Variants in CRB1 observed in about 807,000 individuals in gnomAD.
CRB1 encodes protein crumbs homolog 1.
CRB1 carries 83 observed loss-of-function variants against 120.0 expected under a neutral mutation model. The ratio of observed to expected loss-of-function variants is 0.69; its 90% confidence interval spans 0.58 to 0.83. The LOEUF (loss-of-function observed/expected upper bound fraction) is 0.83. Among genes scored for constraint, CRB1 ranks in the 40% least tolerant of loss-of-function variants. The pLI is 0.00. For missense variants in CRB1, 1,699 were observed against 1,687.6 expected (o/e 1.01, Z -0.12); for synonymous variants, 625 against 612.5 (o/e 1.02, Z -0.30).
intron 5 of CRB1, 89 bp from the exon 6 acceptor site, chr1:197,420,911 C>G (rs2125468476): frequency 3.3e-6 from 3 of 910,414 alleles, no homozygotes; most frequent in South Asian, 2.6e-5. Context: ...TATTCATGCA[C>G]TTCTGCAAGA....
At chr1:197,242,760 C>A in the CRB1 span, among the ~76,000 whole-genome samples, 1 of 152,144 alleles carries the variant, frequency 6.6e-6, no homozygotes, top group Non-Finnish European at 1.5e-5. Flanking sequence ...ACCAGCTCCT[C>A]TTTGTACCTC....
At chr1:197,446,250 G>T (rs1665696404) in intron 11 of CRB1, among the ~76,000 whole-genome samples, 1 of 152,108 alleles carries the variant, frequency 6.6e-6, no homozygotes, top group Admixed American at 6.5e-5. Flanking sequence ...GTAACTGAGT[G>T]CCAGCTGTAA....
intron 3 of CRB1, among the ~76,000 whole-genome samples, chr1:197,346,026 T>C (rs1408476249): frequency 6.6e-6 from 1 of 152,056 alleles, no homozygotes; most frequent in African/African-American, 2.4e-5. Flanking sequence ...GGCTTACCCT[T>C]CCATACTTCA....
chr1:197,421,557 G>A lies in CRB1; in HGVS notation c.1729G>A (p.Ala577Thr), dbSNP rs377023757. The change falls in exon 6 of 12, where the codon GCT becomes ACT. Residue 577 changes from alanine (A) to threonine (T), a missense_variant. Physicochemically the swap from Ala to Thr is moderately conservative, Grantham distance 58. Coordinates refer to ENST00000367400, the MANE Select transcript of CRB1 (RefSeq NM_201253.3). ...WHFVEVIFAE[A>T]VTLTLIDDSC... ...TTTCGTGGAGGTAATATTTGCAGAGGCTGTGACCCTTACCTTAATCGACGA... is the reference window on the plus strand; with the variant it reads ...TTTCGTGGAGGTAATATTTGCAGAGACTGTGACCCTTACCTTAATCGACGA... 5 of 1,614,088 alleles carry A rather than the reference G, an allele frequency of 3.1e-6. No homozygotes were observed. The highest frequency in any genetic ancestry group is 4.2e-6 in the Non-Finnish European group (5 of 1,180,058).
chr1:197,206,834 A>G, the CRB1 span, among the ~76,000 whole-genome samples: 4 of 152,028 alleles, frequency 2.6e-5, no homozygotes, highest in African/African-American at 9.7e-5. Context: ...TCAGTGGAGT[A>G]TTGAAGTCCC....
intron 1 of CRB1, among the ~76,000 whole-genome samples, chr1:197,270,214 A>C (rs1221003504): frequency 2.0e-5 from 3 of 152,194 alleles, no homozygotes; most frequent in African/African-American, 7.2e-5. Flanking sequence ...AATTGCTAAC[A>C]TTGTGTTAAG....
At chr1:197,310,588 A>G (rs189226031) in intron 1 of CRB1, among the ~76,000 whole-genome samples, 3 of 152,288 alleles carry the variant, frequency 2.0e-5, no homozygotes, top group African/African-American at 4.8e-5. Flanking sequence ...GAAGCTTTAG[A>G]GTTCTATCAA....
chr1:197,225,200 T>C, the CRB1 span, among the ~76,000 whole-genome samples: 581 of 151,636 alleles, frequency 3.8e-3, 7 homozygotes, highest in South Asian at 0.016. Flanking sequence ...AGGGCCCAGA[T>C]TTAATCACTA....
intron 3 of CRB1, among the ~76,000 whole-genome samples, chr1:197,346,225 C>G (rs1215028467): frequency 6.6e-6 from 1 of 151,940 alleles, no homozygotes; most frequent in Non-Finnish European, 1.5e-5. Flanking sequence ...TCCAATATAA[C>G]CTGACTTTAT....
At chr1:197,394,349 A>G (rs971339498) in intron 5 of CRB1, among the ~76,000 whole-genome samples, 1 of 152,114 alleles carries the variant, frequency 6.6e-6, no homozygotes. Flanking sequence ...CATGCAAAAT[A>G]TGTGTTAATC....
intron 4 of CRB1, among the ~76,000 whole-genome samples, chr1:197,352,349 G>A (rs140337319): frequency 6.6e-6 from 1 of 152,122 alleles, no homozygotes; most frequent in African/African-American, 2.4e-5. Context: ...TTCACGATTG[G>A]AATGAGATAA....
upstream of CRB1, among the ~76,000 whole-genome samples, chr1:197,266,002 G>A (rs1011020284): frequency 3.9e-5 from 6 of 152,074 alleles, 1 homozygote; most frequent in African/African-American, 1.4e-4. Context: ...TGATTTTGTG[G>A]ATTTGCTGAG....
chr1:197,477,828 A>T lies in CRB1; in HGVS notation c.4170A>T (p.Arg1390=). The T allele has an allele frequency of 1.2e-6, 2 of 1,613,892 alleles. No homozygotes were observed. The highest frequency in any genetic ancestry group is 1.7e-6 in the Non-Finnish European group (2 of 1,179,878). Residue 1390 remains arginine, a synonymous_variant, in exon 12 of 12, where the codon CGA becomes CGT. Transcript: ENST00000367400. ...SPSRQEKEGS[R]VEMWNLMPPP... ...GCCGTCAGGAGAAGGAGGGCTCCCG[A>T]GTGGAAATGTGGAACTTGATGCCAC...
Position 197,268,491 on chromosome 1 carries a change from T to G in CRB1, c.70+9T>G. ...GCTTATCTACATAAAAAGTAAGCCT[T>G]TCCCACTTTGGGCATTTTTCCTGGT... On this transcript the variant is annotated intron_variant, in intron 1 of 11. Transcript: ENST00000367400. 6.2e-7 allele frequency: 1 copy of G among 1,602,106 alleles called. No individual in the cohort carries two copies. Among genetic ancestry groups the G allele is most frequent in the Non-Finnish European group, 8.6e-7 (1 of 1,169,086 alleles).
At chr1:197,210,181 C>T in the CRB1 span, among the ~76,000 whole-genome samples, 1 of 152,164 alleles carries the variant, frequency 6.6e-6, no homozygotes, top group East Asian at 1.9e-4. Context: ...ATAGTATTTA[C>T]CAGTAACAAC....
At chr1:197,394,223 T>A (rs996711605) in intron 5 of CRB1, among the ~76,000 whole-genome samples, 5 of 152,150 alleles carry the variant, frequency 3.3e-5, no homozygotes, top group African/African-American at 1.2e-4. Context: ...ACCTCTATGA[T>A]GATCCACTTT....
At chr1:197,225,787 A>C in the CRB1 span, among the ~76,000 whole-genome samples, 1 of 152,230 alleles carries the variant, frequency 6.6e-6, no homozygotes. Flanking sequence ...CATATTTTGA[A>C]GCTTTCTCGC....
chr1:197,474,809 T>A (rs956965295), intron 11 of CRB1, among the ~76,000 whole-genome samples: 9 of 152,146 alleles, frequency 5.9e-5, no homozygotes, highest in African/African-American at 2.2e-4. Context: ...CCAGACAGAT[T>A]AAGATGAAAT....
At chr1:197,326,874 TTC>T (rs1236182080) in intron 1 of CRB1, among the ~76,000 whole-genome samples, 1 of 151,492 alleles carries the variant, frequency 6.6e-6, no homozygotes, top group African/African-American at 2.4e-5. Flanking sequence ...TTTTGTTTCA[TTC>T]TCTTTCTTAA....
Sources: allele counts gnomAD v4.1 joint callset (sites outside exome capture counted in the v4.1 genomes callset), GRCh38; gene constraint gnomAD v4.1.1; transcripts MANE v1.5; gene names NCBI Gene and HGNC (gene_info 2026-07-23, HGNC 2026-07-21).